CHD8: variants seen among roughly 807,000 people sequenced by gnomAD.
The protein encoded by CHD8 is ATP-dependent chromatin remodeler CHD8.
Under a neutral mutation model 279.2 loss-of-function variants are expected in CHD8, and 31 were observed. That is an observed-to-expected ratio of 0.11 (90% CI 0.08 to 0.15). CHD8 has a LOEUF of 0.15. Ranked by LOEUF, CHD8 falls within the 10% of genes least tolerant of loss-of-function variation. CHD8 has a pLI of 1.00. For missense variants in CHD8, 2,146 were observed against 3,230.5 expected, an observed-to-expected ratio of 0.66 and a Z score of 8.14; for synonymous variants, 1,081 against 1,139.6, an observed-to-expected ratio of 0.95 and a Z score of 1.04.
Position 21,426,196 on chromosome 14 carries a change from A to G in CHD8, c.1648T>C (p.Ser550Pro), listed in dbSNP as rs771499500. Residue 550 changes from serine (S) to proline (P), a missense_variant, in exon 5 of 38, where the codon TCT becomes CCT. Physicochemically the swap from Ser to Pro is moderately conservative, Grantham distance 74. Coordinates refer to ENST00000646647, the MANE Select transcript of CHD8 (RefSeq NM_001170629.2). Reference protein sequence around the residue: ...VGKKRKRNTSSDNSDVEVMPA... With the variant: ...VGKKRKRNTSPDNSDVEVMPA... ...ATGACTTCCACATCTGAATTATCAG[A>G]TGAGGTATTACGTTTTCTCTTCTTA... 6.2e-7 allele frequency: 1 copy of G among 1,612,390 alleles called. No homozygotes were observed. Among genetic ancestry groups the G allele is most frequent in the South Asian group, 1.1e-5 (1 of 90,888 alleles).
intron 11 of CHD8, among the ~76,000 whole-genome samples, chr14:21,409,149 A>C (rs111607097): frequency 7.9e-5 from 12 of 152,300 alleles, no homozygotes; most frequent in African/African-American, 2.6e-4. Context: ...ATAAAAAAAC[A>C]AACAAAAAAA....
intron 1 of CHD8, among the ~76,000 whole-genome samples, chr14:21,452,625 C>G (rs1890283320): frequency 6.6e-6 from 1 of 151,578 alleles, no homozygotes; most frequent in African/African-American, 2.4e-5. Flanking sequence ...GCCTGGGAGA[C>G]ACAGGGAGAC....
Position 21,407,053 on chromosome 14 carries a change from G to T in CHD8, c.2731-21C>A, listed in dbSNP as rs746932049. On this transcript the variant is annotated intron_variant, in intron 13 of 37. Coordinates refer to ENST00000646647, the MANE Select transcript of CHD8 (RefSeq NM_001170629.2). ...CGTCCCTAAGCATGAAGGCAGTAAA[G>T]TCAGAAAAAACCAAAAATGTACCTA... 16 of 1,533,938 alleles carry T rather than the reference G, an allele frequency of 1.0e-5. 1 individual carries two copies. The highest frequency in any genetic ancestry group is 1.7e-4 in the Middle Eastern group (1 of 5,856).
chr14:21,449,820 T>C (rs991219293), intron 1 of CHD8, among the ~76,000 whole-genome samples: 6 of 152,242 alleles, frequency 3.9e-5, no homozygotes, highest in African/African-American at 1.4e-4. Flanking sequence ...TCCAGCTTAC[T>C]TAGCTTTTGA....
chr14:21,401,556 T>A, intron 20 of CHD8, 43 bp from the exon 21 acceptor site: 2 of 1,253,180 alleles, frequency 1.6e-6, no homozygotes, highest in Non-Finnish European at 2.2e-6. Context: ...CTTTTTTTTT[T>A]AAGTGGTGCA....
chr14:21,393,372 C>G (rs1887633126), intron 32 of CHD8, 104 bp downstream of exon 32: 1 of 1,512,756 alleles, frequency 6.6e-7, no homozygotes. Flanking sequence ...GACATTTTAT[C>G]AAATCAAAAT....
chr14:21,418,637 A>C (rs893105317), intron 5 of CHD8, among the ~76,000 whole-genome samples: 24 of 152,276 alleles, frequency 1.6e-4, no homozygotes, highest in Admixed American at 1.3e-3. Context: ...AACACGGTGA[A>C]ACCCCGTCTC....
intron 5 of CHD8, among the ~76,000 whole-genome samples, chr14:21,418,629 C>T (rs1274066676): frequency 6.6e-6 from 1 of 152,208 alleles, no homozygotes; most frequent in African/African-American, 2.4e-5. Context: ...TCCTGGCTAA[C>T]ACGGTGAAAC....
chr14:21,443,133 T>C (rs1890025371), intron 1 of CHD8, among the ~76,000 whole-genome samples: 1 of 152,208 alleles, frequency 6.6e-6, no homozygotes, highest in African/African-American at 2.4e-5. Context: ...GGCTCACACC[T>C]GTAATCCCAG....
At chr14:21,413,316 C>T (rs927623269) in intron 9 of CHD8, among the ~76,000 whole-genome samples, 3 of 151,506 alleles carry the variant, frequency 2.0e-5, no homozygotes, top group African/African-American at 4.8e-5. Flanking sequence ...ATATGTTCCA[C>T]ATTTCACATT....
rs1461404835 is a variant in CHD8 at position 21,454,162 on chromosome 14, A to AAAAGAAAAG, written c.-216+1869_-216+1870insCTTTTCTTT. Among the ~76,000 whole-genome samples, 15 of 127,014 alleles carry AAAAGAAAAG rather than the reference A, an allele frequency of 1.2e-4. 1 individual carries two copies. The highest frequency in any genetic ancestry group is 2.3e-4 in the Non-Finnish European group (14 of 61,536). 83.3% of individuals were successfully genotyped at this position (127,014 alleles called of 152,430 possible). A position where few individuals can be genotyped will look rare whatever the true frequency, so the allele number is the denominator to read the frequency against. On this transcript the variant is annotated intron_variant, in intron 1 of 37. Coordinates refer to ENST00000646647, the MANE Select transcript of CHD8 (RefSeq NM_001170629.2). ...GACAGAGCAAGACTCCGTCTCAAAAAAAAAGAAAAGAAAAGAAAAGAAAAG... is the reference window on the plus strand; with the variant it reads ...GACAGAGCAAGACTCCGTCTCAAAAAAAAGAAAAGAAAAGAAAAGAAAAGAAAAGAAAAG...
chr14:21,401,269 G>A, intron 21 of CHD8, 134 bp downstream of exon 21: 2 of 748,302 alleles, frequency 2.7e-6, no homozygotes, highest in South Asian at 2.0e-5. Context: ...TAGGTAGAAA[G>A]TATCCACAAC....
intron 5 of CHD8, among the ~76,000 whole-genome samples, chr14:21,424,466 CTTTT>C (rs61389373): frequency 0.022 from 3,368 of 151,448 alleles, 130 homozygotes; most frequent in African/African-American, 0.077. Context: ...CTCGACTATT[CTTTT>C]GTTTTGTTTT....
chr14:21,414,536 C>T (rs2139496312), intron 8 of CHD8, 118 bp from the exon 9 acceptor site: 1 of 636,696 alleles, frequency 1.6e-6, no homozygotes, highest in Non-Finnish European at 2.8e-6. Context: ...AATTGGGAGA[C>T]AGTCTCTTAG....
At chr14:21,420,606 C>T (rs180738691) in intron 5 of CHD8, among the ~76,000 whole-genome samples, 3 of 152,124 alleles carry the variant, frequency 2.0e-5, no homozygotes, top group East Asian at 1.9e-4. Context: ...ACCTCCAAGA[C>T]GTATCATTAG....
intron 37 of CHD8, among the ~76,000 whole-genome samples, chr14:21,388,317 AAAC>A (rs1318825581): frequency 8.5e-5 from 13 of 152,194 alleles, no homozygotes; most frequent in Non-Finnish European, 4.4e-5. Flanking sequence ...AAATATTTGA[AAAC>A]AACAAGAAAC....
chr14:21,385,313 C>T lies in CHD8; in HGVS notation c.*300G>A, dbSNP rs1276792056. The T allele has an allele frequency of 4.9e-6, 2 of 405,252 alleles. No individual in the cohort carries two copies. The highest frequency in any genetic ancestry group is 8.7e-5 in the East Asian group (2 of 22,964). The allele number at this position is 405,252 out of a possible 1,614,324, so 25.1% of individuals were successfully genotyped here. On this transcript the variant is annotated 3_prime_UTR_variant, in exon 38 of 38. Transcript: ENST00000646647. The stretch of plus-strand genomic sequence containing the variant: ...GCTCTGCCAGAGGCTAGGGCCAGCG[C>T]TACATAGTCTGTGGTTAATGGAGGT...
chr14:21,438,693 G>A (rs1393514745), intron 1 of CHD8, among the ~76,000 whole-genome samples: 3 of 151,890 alleles, frequency 2.0e-5, no homozygotes, highest in East Asian at 3.9e-4. Context: ...ATTACTGGGC[G>A]TAGTGGCATT....
intron 37 of CHD8, among the ~76,000 whole-genome samples, chr14:21,387,126 G>T (rs569106499): frequency 2.0e-5 from 3 of 152,290 alleles, no homozygotes; most frequent in African/African-American, 4.8e-5. Flanking sequence ...TAAGTTCATT[G>T]AAGATAGAAG....
Sources: allele counts gnomAD v4.1 joint callset (sites outside exome capture counted in the v4.1 genomes callset), GRCh38; gene constraint gnomAD v4.1.1; transcripts MANE v1.5; gene names NCBI Gene and HGNC (gene_info 2026-07-23, HGNC 2026-07-21).